Variants in SP4 observed in about 807,000 individuals in gnomAD.
SP4 encodes the protein Sp4 transcription factor.
A neutral mutation model predicts 72.8 loss-of-function variants in SP4; 19 were observed. The observed-to-expected ratio is 0.26, with a 90% CI of 0.18 to 0.38. The LOEUF (loss-of-function observed/expected upper bound fraction) is 0.38. Among genes scored for constraint, SP4 ranks in the 10% least tolerant of loss-of-function variants. The probability of loss-of-function intolerance (pLI) is 1.00; values close to 1 mark genes in which losing one functional copy is unlikely to be tolerated. For missense variants in SP4, 1,008 were observed against 926.3 expected, an observed-to-expected ratio of 1.09 and a Z score of -1.14; for synonymous variants, 395 against 333.1, an observed-to-expected ratio of 1.19 and a Z score of -2.02.
intron 3 of SP4, among the ~76,000 whole-genome samples, chr7:21,460,870 C>T (rs1242997506): frequency 6.6e-6 from 1 of 152,292 alleles, no homozygotes; most frequent in Non-Finnish European, 1.5e-5. Flanking sequence ...GCTGCATTTA[C>T]AAACCTTCAG....
chr7:21,486,359 T>C (rs1196817446), intron 5 of SP4, among the ~76,000 whole-genome samples: 1 of 152,128 alleles, frequency 6.6e-6, no homozygotes, highest in Non-Finnish European at 1.5e-5. Flanking sequence ...GAAATTAACA[T>C]TGTTGCAATA....
At chr7:21,488,526 A>C (rs1181539620) in intron 5 of SP4, among the ~76,000 whole-genome samples, 2 of 90,566 alleles carry the variant, frequency 2.2e-5, no homozygotes, top group Non-Finnish European at 4.7e-5. Flanking sequence ...TTATGCCTTT[A>C]CTATTATTTT....
At position 21,428,179 on chromosome 7, in the gene SP4, T is replaced by TGC; in HGVS notation, c.-73_-72insGC. 1.2e-5 allele frequency: 7 copies of TGC among 600,788 alleles called. No homozygotes were observed. Among genetic ancestry groups the TGC allele is most frequent in the East Asian group, 3.8e-5 (1 of 26,626 alleles). The allele number at this position is 600,788 out of a possible 1,614,324, so 37.2% of individuals were successfully genotyped here. ...GCGGGCGGGCGGGACCGGCCTCTCCTCCCGCCTCGCCCCCACCCCCACCCA... is the reference window on the plus strand; with the variant it reads ...GCGGGCGGGCGGGACCGGCCTCTCCTGCCCCGCCTCGCCCCCACCCCCACCCA... On this transcript the variant is annotated 5_prime_UTR_variant, in exon 1 of 6. Coordinates refer to ENST00000222584, the MANE Select transcript of SP4 (RefSeq NM_003112.5).
intron 5 of SP4, among the ~76,000 whole-genome samples, chr7:21,509,860 T>G (rs1002995615): frequency 6.6e-5 from 10 of 152,206 alleles, no homozygotes; most frequent in African/African-American, 2.4e-4. Flanking sequence ...ATACCTAGAC[T>G]GGGCAATTTA....
intron 3 of SP4, 39 bp from the exon 4 acceptor site, chr7:21,477,040 G>C: frequency 6.7e-7 from 1 of 1,498,770 alleles, no homozygotes; most frequent in South Asian, 1.2e-5. Flanking sequence ...TTTAGGTGTA[G>C]AAAACATTAC....
intron 3 of SP4, among the ~76,000 whole-genome samples, chr7:21,446,278 G>A (rs912479533): frequency 1.3e-5 from 2 of 152,080 alleles, no homozygotes; most frequent in East Asian, 1.9e-4. Flanking sequence ...CAAAGAAAAC[G>A]TGATTGTTGA....
chr7:21,494,798 A>G (rs1785065530), intron 5 of SP4, among the ~76,000 whole-genome samples: 2 of 152,194 alleles, frequency 1.3e-5, no homozygotes, highest in South Asian at 4.1e-4. Context: ...ATGAAAGGCA[A>G]AGCAATTAGA....
At chr7:21,463,163 G>T (rs1784049914) in intron 3 of SP4, among the ~76,000 whole-genome samples, 2 of 151,672 alleles carry the variant, frequency 1.3e-5, no homozygotes, top group South Asian at 4.2e-4. Flanking sequence ...AATGTTTGGA[G>T]AACCAGTCAG....
At chr7:21,501,371 G>A (rs544456899) in intron 5 of SP4, among the ~76,000 whole-genome samples, 4 of 151,980 alleles carry the variant, frequency 2.6e-5, no homozygotes, top group South Asian at 2.1e-4. Flanking sequence ...TACTTCCTTC[G>A]GTCTCATTTT....
chr7:21,483,006 A>G lies in SP4; in HGVS notation c.2107+883A>G, dbSNP rs142549413. ...AAGTGGAATTATTGGATCATAGAGA[A>G]TGTGTATGTTTGGTTTTGCTAGGTA... is the stretch of plus-strand genomic sequence containing the variant. On this transcript the variant is annotated intron_variant, in intron 5 of 5. Transcript: ENST00000222584. Among the ~76,000 whole-genome samples the G allele has an allele frequency of 4.5e-4, 68 of 152,178 alleles. 1 individual carries two copies. The East Asian group carries it at 0.013, about 29-fold the overall frequency.
intron 5 of SP4, among the ~76,000 whole-genome samples, chr7:21,493,660 T>G (rs1450909402): frequency 1.3e-5 from 2 of 152,216 alleles, no homozygotes; most frequent in Admixed American, 6.5e-5. Flanking sequence ...ATAGATAGCA[T>G]GAATGCTCCT....
chr7:21,471,079 A>G (rs776066735), intron 3 of SP4: 2 of 534,822 alleles, frequency 3.7e-6, no homozygotes, highest in South Asian at 1.4e-5. Flanking sequence ...GCTCGGAGAC[A>G]CAGAACATTA....
intron 5 of SP4, 92 bp downstream of exon 5, chr7:21,482,215 T>C (rs1397017893): frequency 1.2e-5 from 12 of 978,708 alleles, no homozygotes; most frequent in African/African-American, 9.8e-5. Context: ...ATTGGAAATA[T>C]GCAAATGAAG....
At chr7:21,510,026 A>G (rs1467018636) in intron 5 of SP4, among the ~76,000 whole-genome samples, 1 of 152,120 alleles carries the variant, frequency 6.6e-6, no homozygotes, top group African/African-American at 2.4e-5. Context: ...CCCTGATAAA[A>G]CTATCGTATC....
chr7:21,463,648 G>A (rs1391808935), intron 3 of SP4, among the ~76,000 whole-genome samples: 6 of 152,198 alleles, frequency 3.9e-5, no homozygotes, highest in Non-Finnish European at 8.8e-5. Context: ...AAATATCGTG[G>A]TTGGAGAAGA....
At chr7:21,480,193 A>G (rs775114989) in intron 4 of SP4, among the ~76,000 whole-genome samples, 7 of 152,138 alleles carry the variant, frequency 4.6e-5, no homozygotes, top group Non-Finnish European at 8.8e-5. Context: ...TTTTGCATCC[A>G]TATTCATAAG....
Position 21,511,193 on chromosome 7 carries a change from T to C in SP4, c.2279T>C (p.Ile760Thr), listed in dbSNP as rs1330682364. 1 of 1,614,126 alleles carries C rather than the reference T, an allele frequency of 6.2e-7. No homozygotes were observed. Among genetic ancestry groups the C allele is most frequent in the African/African-American group, 1.3e-5 (1 of 75,042 alleles). The change falls in exon 6 of 6, where the codon ATT becomes ACT. Residue 760 changes from isoleucine (I) to threonine (T), a missense_variant. Coordinates refer to ENST00000222584, the MANE Select transcript of SP4 (RefSeq NM_003112.5). ...ACAGAGGTGCTTGGCTCCCCAAGAA[T>C]TGTCACAGTTGCAGCCATTTCTCAA... Reference protein sequence around the residue: ...SVTEVLGSPRIVTVAAISQDS... With the variant: ...SVTEVLGSPRTVTVAAISQDS...
At chr7:21,447,077 G>T (rs1019788287) in intron 3 of SP4, among the ~76,000 whole-genome samples, 1 of 152,154 alleles carries the variant, frequency 6.6e-6, no homozygotes, top group Non-Finnish European at 1.5e-5. Flanking sequence ...CATGTAGATT[G>T]CCATCTGGGA....
intron 5 of SP4, among the ~76,000 whole-genome samples, chr7:21,501,739 G>A (rs1427081384): frequency 6.6e-6 from 1 of 152,094 alleles, no homozygotes; most frequent in East Asian, 1.9e-4. Context: ...CTTTTCTGAT[G>A]GTCCCATCTG....
Sources: gnomAD v4.1 joint callset for allele counts (sites outside exome capture counted in the v4.1 genomes callset) on GRCh38, gnomAD v4.1.1 for gene constraint, MANE v1.5 for transcripts, NCBI Gene and HGNC (gene_info 2026-07-23, HGNC 2026-07-21) for gene names.